KCNQ1OT1: variants seen among roughly 807,000 people sequenced by gnomAD.
KCNQ1OT1 encodes KCNQ1 antisense RNA 2 (non-protein coding).
Position 2,691,623 on chromosome 11 carries a change from T to C in KCNQ1OT1, n.8372A>G, listed in dbSNP as rs1233500001. On this transcript the variant is annotated non_coding_transcript_exon_variant, in exon 1 of 1. Coordinates refer to ENST00000597346, the Ensembl canonical transcript of KCNQ1OT1. The surrounding 1 kb of genome is among the most constrained non-coding windows in gnomAD (Gnocchi z 6.4). ...AACCTAGCTTGTTCCCTGCACGTAC[T>C]GTGGGGAGGTCCTCTTTACCGCCAC... is the stretch of plus-strand genomic sequence containing the variant. The C allele has an allele frequency of 5.0e-6, 2 of 398,438 alleles. No individual in the cohort carries two copies. The highest frequency in any genetic ancestry group is 8.8e-6 in the Non-Finnish European group (2 of 226,046). The allele number at this position is 398,438 out of a possible 1,614,324, so 24.7% of individuals were successfully genotyped here.
chr11:2,640,566 T>G lies in KCNQ1OT1; in HGVS notation n.59429A>C, dbSNP rs1182564981. Reference sequence around the variant, plus strand: ...CCCCCAAAGCACTGGGATTTCCTTTTTTTTTTTTTTTTGACCGATACATAA... The same window carrying G: ...CCCCCAAAGCACTGGGATTTCCTTTGTTTTTTTTTTTTGACCGATACATAA... On this transcript the variant is annotated non_coding_transcript_exon_variant, in exon 1 of 1. Coordinates refer to ENST00000597346, the Ensembl canonical transcript of KCNQ1OT1. 1.4e-4 allele frequency: 25 copies of G among 176,288 alleles called. No individual in the cohort carries two copies. In the South Asian group the frequency reaches 4.3e-3, roughly 31 times the overall value. 10.9% of individuals were successfully genotyped at this position (176,288 alleles called of 1,614,324 possible).
chr11:2,614,197 A>G, exon 1 of KCNQ1OT1: 1 of 398,568 alleles, frequency 2.5e-6, no homozygotes, highest in Non-Finnish European at 4.4e-6. Flanking sequence ...TGAGGGTGCC[A>G]CCTCAAATCT....
At chr11:2,631,457 G>A in exon 1 of KCNQ1OT1, 2 of 397,176 alleles carry the variant, frequency 5.0e-6, no homozygotes, top group East Asian at 7.1e-5. Flanking sequence ...TTTCTTTATT[G>A]AATGTCTCCT....
chr11:2,672,235 C>T, exon 1 of KCNQ1OT1: 1 of 398,660 alleles, frequency 2.5e-6, no homozygotes, highest in Non-Finnish European at 4.4e-6. Flanking sequence ...CCAAAATACT[C>T]AAATGCTTTT....
Position 2,617,784 on chromosome 11 carries a change from G to C in KCNQ1OT1, n.82211C>G, listed in dbSNP as rs570776242. 52 of 398,514 alleles carry C rather than the reference G, an allele frequency of 1.3e-4. No homozygotes were observed. The East Asian group carries it at 1.8e-3, about 14-fold the overall frequency. 24.7% of individuals were successfully genotyped at this position (398,514 alleles called of 1,614,324 possible). A position where few individuals can be genotyped will look rare whatever the true frequency, so the allele number is the denominator to read the frequency against. Reference sequence around the variant, plus strand: ...TTGATTTGCATTTCCCTGACGATTAGTGATGTTAAATGTCTTTTCATATAT... The same window carrying C: ...TTGATTTGCATTTCCCTGACGATTACTGATGTTAAATGTCTTTTCATATAT... On this transcript the variant is annotated non_coding_transcript_exon_variant, in exon 1 of 1. Coordinates refer to ENST00000597346, the Ensembl canonical transcript of KCNQ1OT1. This position sits in a 1 kb window ranked among gnomAD's most constrained non-coding sequence, Gnocchi z 4.6.
exon 1 of KCNQ1OT1, chr11:2,680,589 C>A: frequency 2.5e-6 from 1 of 398,442 alleles, no homozygotes. Context: ...TACCTAGTCT[C>A]CCCCGATAGT....
chr11:2,675,420 G>A (rs1342988723), exon 1 of KCNQ1OT1: 2 of 398,410 alleles, frequency 5.0e-6, no homozygotes, highest in Admixed American at 8.8e-5. Flanking sequence ...AAAATATATT[G>A]TCATTTTGCG....
exon 1 of KCNQ1OT1, chr11:2,655,018 A>G (rs1849820044): frequency 2.5e-6 from 1 of 398,532 alleles, no homozygotes. Context: ...AAGGAAATGA[A>G]AATCACCCAA....
chr11:2,608,700 G>A lies in KCNQ1OT1; in HGVS notation n.91295C>T, dbSNP rs1054076074. On this transcript the variant is annotated non_coding_transcript_exon_variant, in exon 1 of 1. Coordinates refer to ENST00000597346, the Ensembl canonical transcript of KCNQ1OT1. This position sits in a 1 kb window ranked among gnomAD's most constrained non-coding sequence, Gnocchi z 4.6. ...GCTATTCTTGAACTCCTGGCCACAA[G>A]CAATTCTCGAACTCCTGGCCACAAG... The A allele has an allele frequency of 2.6e-6, 1 of 381,092 alleles. No individual in the cohort carries two copies. 23.6% of individuals were successfully genotyped at this position (381,092 alleles called of 1,614,324 possible).
rs1169043221 is a variant in KCNQ1OT1, at chr11:2,664,091, A to C, written n.35904T>G. 1 of 398,048 alleles carries C rather than the reference A, an allele frequency of 2.5e-6. No individual in the cohort carries two copies. The highest frequency in any genetic ancestry group is 2.1e-5 in the African/African-American group (1 of 48,400). The allele number at this position is 398,048 out of a possible 1,614,324, so 24.7% of individuals were successfully genotyped here. On this transcript the variant is annotated non_coding_transcript_exon_variant, in exon 1 of 1. Transcript: ENST00000597346. The surrounding 1 kb of genome is among the most constrained non-coding windows in gnomAD (Gnocchi z 5.1). Reference sequence around the variant, plus strand: ...ATAAGTGGGCCCAGGCAGGTCAGAGACTCCAGTCATTACCCAACCAGGTCC... The same window carrying C: ...ATAAGTGGGCCCAGGCAGGTCAGAGCCTCCAGTCATTACCCAACCAGGTCC...
rs1850128563 is a variant in KCNQ1OT1, at chr11:2,668,732, G to A, written n.31263C>T. ...CACAGACACACACATTGCAAATATCGCCTCCCCCTCTGCAGGCTGCCTTCT... is the reference window on the plus strand; with the variant it reads ...CACAGACACACACATTGCAAATATCACCTCCCCCTCTGCAGGCTGCCTTCT... On this transcript the variant is annotated non_coding_transcript_exon_variant, in exon 1 of 1. Transcript: ENST00000597346. The surrounding 1 kb of genome is among the most constrained non-coding windows in gnomAD (Gnocchi z 4.3). 7.5e-6 allele frequency: 3 copies of A among 398,242 alleles called. No homozygotes were observed. Among genetic ancestry groups the A allele is most frequent in the South Asian group, 1.3e-4 (1 of 7,844 alleles). The allele number at this position is 398,242 out of a possible 1,614,324, so 24.7% of individuals were successfully genotyped here.
At position 2,621,969 on chromosome 11, in the gene KCNQ1OT1, G is replaced by C. The variant is rs1052381030; in HGVS notation, n.78026C>G. 2.5e-6 allele frequency: 1 copy of C among 398,076 alleles called. No homozygotes were observed. The highest frequency in any genetic ancestry group is 4.4e-6 in the Non-Finnish European group (1 of 225,876). 24.7% of individuals were successfully genotyped at this position (398,076 alleles called of 1,614,324 possible). A position where few individuals can be genotyped will look rare whatever the true frequency, so the allele number is the denominator to read the frequency against. On this transcript the variant is annotated non_coding_transcript_exon_variant, in exon 1 of 1. Coordinates refer to ENST00000597346, the Ensembl canonical transcript of KCNQ1OT1. This position sits in a 1 kb window ranked among gnomAD's most constrained non-coding sequence, Gnocchi z 5.7. ...CTTGAGGTACAATTTTGGGCTATTT[G>C]AAATATCTCTTCTTTTTTAATGTAG...
rs1849281088 is a variant in KCNQ1OT1, at chr11:2,627,524, T to C, written n.72471A>G. On this transcript the variant is annotated non_coding_transcript_exon_variant, in exon 1 of 1. Transcript: ENST00000597346. The surrounding 1 kb of genome is among the most constrained non-coding windows in gnomAD (Gnocchi z 4.9). The stretch of plus-strand genomic sequence containing the variant: ...TTCTCTGAGTTCAAGCTTTTTAGAA[T>C]TCCATATGTAACTGGGATAGTGCAG... 7.5e-6 allele frequency: 3 copies of C among 398,544 alleles called. No individual in the cohort carries two copies. Among genetic ancestry groups the C allele is most frequent in the Non-Finnish European group, 1.3e-5 (3 of 226,030 alleles). 24.7% of individuals were successfully genotyped at this position (398,544 alleles called of 1,614,324 possible). A position where few individuals can be genotyped will look rare whatever the true frequency, so the allele number is the denominator to read the frequency against.
At position 2,661,864 on chromosome 11, in the gene KCNQ1OT1, A is replaced by G; in HGVS notation, n.38131T>C. 1 of 1,495,130 alleles carries G rather than the reference A, an allele frequency of 6.7e-7. No homozygotes were observed. Among genetic ancestry groups the G allele is most frequent in the African/African-American group, 1.4e-5 (1 of 71,656 alleles). 92.6% of individuals were successfully genotyped at this position (1,495,130 alleles called of 1,614,324 possible). The stretch of plus-strand genomic sequence containing the variant: ...GCTGGAGCTTCCAGGCACAAGCTCC[A>G]CTCCTCACCTGGCCCTGGGAGCTCA... On this transcript the variant is annotated non_coding_transcript_exon_variant, in exon 1 of 1. Transcript: ENST00000597346. The surrounding 1 kb of genome is among the most constrained non-coding windows in gnomAD (Gnocchi z 5.9).
Position 2,669,525 on chromosome 11 carries a change from C to T in KCNQ1OT1, n.30470G>A, listed in dbSNP as rs903676025. On this transcript the variant is annotated non_coding_transcript_exon_variant, in exon 1 of 1. Transcript: ENST00000597346. The surrounding 1 kb of genome is among the most constrained non-coding windows in gnomAD (Gnocchi z 5.6). ...GTCAGCTAATGGTTTGATGTATGTT[C>T]GCTGAATCCAGGGACAAGGTCTGTC... 1 of 398,596 alleles carries T rather than the reference C, an allele frequency of 2.5e-6. No homozygotes were observed. The highest frequency in any genetic ancestry group is 4.4e-6 in the Non-Finnish European group (1 of 226,074). 24.7% of individuals were successfully genotyped at this position (398,596 alleles called of 1,614,324 possible).
At position 2,621,037 on chromosome 11, in the gene KCNQ1OT1, G is replaced by A; in HGVS notation, n.78958C>T. ...CTGTCTCCCAGGCTGGAGTGCAGTG[G>A]CGCAATCTCGGCTCACTGCAACCTC... On this transcript the variant is annotated non_coding_transcript_exon_variant, in exon 1 of 1. Coordinates refer to ENST00000597346, the Ensembl canonical transcript of KCNQ1OT1. This position sits in a 1 kb window ranked among gnomAD's most constrained non-coding sequence, Gnocchi z 5.7. 2.5e-6 allele frequency: 1 copy of A among 397,174 alleles called. No individual in the cohort carries two copies. The highest frequency in any genetic ancestry group is 4.4e-6 in the Non-Finnish European group (1 of 225,862). 24.6% of individuals were successfully genotyped at this position (397,174 alleles called of 1,614,324 possible). A position where few individuals can be genotyped will look rare whatever the true frequency, so the allele number is the denominator to read the frequency against.
In KCNQ1OT1 at chr11:2,663,167, G is replaced by A; in HGVS notation, n.36828C>T. 2.5e-6 allele frequency: 1 copy of A among 398,792 alleles called. No homozygotes were observed. The allele number at this position is 398,792 out of a possible 1,614,324, so 24.7% of individuals were successfully genotyped here. A position where few individuals can be genotyped will look rare whatever the true frequency, so the allele number is the denominator to read the frequency against. On this transcript the variant is annotated non_coding_transcript_exon_variant, in exon 1 of 1. Coordinates refer to ENST00000597346, the Ensembl canonical transcript of KCNQ1OT1. The surrounding 1 kb of genome is among the most constrained non-coding windows in gnomAD (Gnocchi z 5.2). ...CCCACTGTCTTTCCAGGCCCCCCCA[G>A]TTCACAGAGAGGTTGGCAGTACCTC...
rs1405041561 is a variant in KCNQ1OT1 at position 2,642,102 on chromosome 11, C to T, written n.57893G>A. ...TTGCTCAGAATTGCTGTGGCTATTC[C>T]AGCTCTTTTTTGGTTCCATCTGAAT... is the stretch of plus-strand genomic sequence containing the variant. On this transcript the variant is annotated non_coding_transcript_exon_variant, in exon 1 of 1. Coordinates refer to ENST00000597346, the Ensembl canonical transcript of KCNQ1OT1. This position sits in a 1 kb window ranked among gnomAD's most constrained non-coding sequence, Gnocchi z 4.3. 1 of 398,110 alleles carries T rather than the reference C, an allele frequency of 2.5e-6. No individual in the cohort carries two copies. Among genetic ancestry groups the T allele is most frequent in the African/African-American group, 2.1e-5 (1 of 48,564 alleles). 24.7% of individuals were successfully genotyped at this position (398,110 alleles called of 1,614,324 possible). A position where few individuals can be genotyped will look rare whatever the true frequency, so the allele number is the denominator to read the frequency against.
rs947750123 is a variant in KCNQ1OT1 at position 2,697,776 on chromosome 11, G to T, written n.2219C>A. 14 of 398,576 alleles carry T rather than the reference G, an allele frequency of 3.5e-5. No individual in the cohort carries two copies. The East Asian group carries it at 5.0e-4, about 14-fold the overall frequency. The allele number at this position is 398,576 out of a possible 1,614,324, so 24.7% of individuals were successfully genotyped here. ...TTATTGGATTCAGTTAGCTAGCATT[G>T]TACAAGGAACTTCTGCATCTACATT... On this transcript the variant is annotated non_coding_transcript_exon_variant, in exon 1 of 1. Coordinates refer to ENST00000597346, the Ensembl canonical transcript of KCNQ1OT1.
Sources: gnomAD v4.1 joint callset for allele counts on GRCh38, gnomAD v4.1.1 for gene constraint, Gnocchi (gnomAD v3.1) non-coding constraint, MANE v1.5 for transcripts, NCBI Gene and HGNC (gene_info 2026-07-23, HGNC 2026-07-21) for gene names.